The following UGGT2 variants were observed in gnomAD, a reference collection of about 807,000 sequenced individuals.
UGGT2 encodes UDP-glucose:glycoprotein glucosyltransferase 2.
Under a neutral mutation model 192.1 loss-of-function variants are expected in UGGT2, and 180 were observed. That is an observed-to-expected ratio of 0.94 (90% CI 0.83 to 1.06). The LOEUF is 1.06. Ranked by LOEUF, UGGT2 falls within the 50% of genes least tolerant of loss-of-function variation. The pLI, the probability that UGGT2 is intolerant of heterozygous loss-of-function variation, is 0.00. For missense variants in UGGT2, 1,849 were observed against 1,795.7 expected (o/e 1.03, Z -0.54); for synonymous variants, 580 against 591.0 (o/e 0.98, Z 0.27).
chr13:96,012,866 C>T (rs2052207585), intron 5 of UGGT2, among the ~76,000 whole-genome samples: 1 of 151,886 alleles, frequency 6.6e-6, no homozygotes, highest in East Asian at 1.9e-4. Context: ...ATAGCAACGG[C>T]AGGCTAGAGG....
Position 95,887,925 on chromosome 13 carries a change from C to G in UGGT2, c.3005G>C (p.Cys1002Ser). ...INMKIKLFMN[C>S]RGRLSEAPLE... ...AGGGGCTTCTGAAAGCCTGCCCCTA[C>G]AGTTCATGAACAACTTTATCTTCAT... is the stretch of plus-strand genomic sequence containing the variant. Residue 1002 changes from cysteine (C) to serine (S), a missense_variant, in exon 26 of 39, where the codon TGT becomes TCT. By Grantham distance (112) the Cys-to-Ser change is moderately radical. Coordinates refer to ENST00000376747, the MANE Select transcript of UGGT2 (RefSeq NM_020121.4). The G allele has an allele frequency of 1.2e-6, 2 of 1,604,480 alleles. No homozygotes were observed. Among genetic ancestry groups the G allele is most frequent in the Non-Finnish European group, 8.5e-7 (1 of 1,174,960 alleles).
chr13:95,869,542 C>T (rs1212516166), intron 29 of UGGT2, among the ~76,000 whole-genome samples: 1 of 152,146 alleles, frequency 6.6e-6, no homozygotes, highest in African/African-American at 2.4e-5. Flanking sequence ...CATCCTCAGG[C>T]ACTGTTTTAA....
chr13:95,941,164 G>A (rs2049667210), intron 15 of UGGT2, among the ~76,000 whole-genome samples: 1 of 152,134 alleles, frequency 6.6e-6, no homozygotes, highest in Admixed American at 6.5e-5. Context: ...AAACTTATAA[G>A]CAGAAGGAAC....
At chr13:95,933,877 G>C (rs1485683253) in intron 17 of UGGT2, among the ~76,000 whole-genome samples, 2 of 151,966 alleles carry the variant, frequency 1.3e-5, no homozygotes, top group African/African-American at 2.4e-5. Flanking sequence ...GTAGAGATGG[G>C]GTTTCACTGT....
chr13:95,877,588 C>G, intron 28 of UGGT2, 110 bp downstream of exon 28: 1 of 1,300,918 alleles, frequency 7.7e-7, no homozygotes, highest in Non-Finnish European at 1.0e-6. Flanking sequence ...ATTTTGTTTT[C>G]TGCAAACTGT....
intron 30 of UGGT2, among the ~76,000 whole-genome samples, chr13:95,865,225 A>G (rs1379345850): frequency 2.6e-5 from 4 of 152,132 alleles, no homozygotes. Flanking sequence ...ATTCCTCTTA[A>G]TAGGCTATTG....
At chr13:95,889,323 C>T (rs1239838706) in intron 25 of UGGT2, among the ~76,000 whole-genome samples, 1 of 152,130 alleles carries the variant, frequency 6.6e-6, no homozygotes, top group Admixed American at 6.6e-5. Flanking sequence ...GTTTGTCCTA[C>T]TCGTTTCATA....
chr13:95,852,772 T>C (rs546546112), intron 36 of UGGT2, among the ~76,000 whole-genome samples: 26 of 152,256 alleles, frequency 1.7e-4, no homozygotes, highest in Admixed American at 1.6e-3. Context: ...ATTAGGAAAA[T>C]AGTGCTTGTG....
At chr13:95,924,187 G>C (rs1196409602) in intron 20 of UGGT2, among the ~76,000 whole-genome samples, 1 of 151,906 alleles carries the variant, frequency 6.6e-6, no homozygotes, top group African/African-American at 2.4e-5. Context: ...ATCCTATAAG[G>C]AATAAACAAT....
chr13:95,902,006 C>T (rs551610542), intron 21 of UGGT2, among the ~76,000 whole-genome samples: 1 of 152,268 alleles, frequency 6.6e-6, no homozygotes, highest in South Asian at 2.1e-4. Context: ...CCATGTTTAG[C>T]TCCCTTGAAT....
At chr13:96,007,654 A>C (rs183007452) in intron 5 of UGGT2, among the ~76,000 whole-genome samples, 1 of 152,316 alleles carries the variant, frequency 6.6e-6, no homozygotes, top group Non-Finnish European at 1.5e-5. Flanking sequence ...ATATACACAA[A>C]TAGCAAACAA....
At chr13:96,023,470 T>C (rs560599726) in intron 3 of UGGT2, among the ~76,000 whole-genome samples, 159 bp downstream of exon 3, 1 of 152,254 alleles carries the variant, frequency 6.6e-6, no homozygotes, top group East Asian at 1.9e-4. Context: ...TCAATTACAT[T>C]ATAATAAATG....
intron 36 of UGGT2, among the ~76,000 whole-genome samples, chr13:95,846,364 A>G (rs1182663517): frequency 6.8e-6 from 1 of 147,020 alleles, no homozygotes; most frequent in Non-Finnish European, 1.5e-5. Context: ...CAGTGAGCCA[A>G]GATGGCGGCA....
At chr13:95,927,969 C>G (rs1440247519) in intron 17 of UGGT2, among the ~76,000 whole-genome samples, 2 of 152,142 alleles carry the variant, frequency 1.3e-5, no homozygotes, top group Admixed American at 6.5e-5. Flanking sequence ...TTTCAGAGAG[C>G]ACGGGGTTGG....
intron 38 of UGGT2, among the ~76,000 whole-genome samples, chr13:95,826,882 C>T (rs1405934295): frequency 6.6e-6 from 1 of 151,388 alleles, no homozygotes; most frequent in African/African-American, 2.4e-5. Flanking sequence ...CAAGAATACA[C>T]AGAAAAACAA....
At chr13:95,830,381 T>C (rs565154539) in intron 38 of UGGT2, among the ~76,000 whole-genome samples, 1 of 152,262 alleles carries the variant, frequency 6.6e-6, no homozygotes, top group East Asian at 1.9e-4. Flanking sequence ...AATCTACCCA[T>C]CTGACAAAGG....
intron 27 of UGGT2, among the ~76,000 whole-genome samples, chr13:95,883,924 T>C (rs1466989136): frequency 2.0e-5 from 3 of 152,066 alleles, no homozygotes; most frequent in Non-Finnish European, 4.4e-5. Context: ...GGAAGAGAAG[T>C]CTGACTACTC....
intron 5 of UGGT2, among the ~76,000 whole-genome samples, chr13:96,007,486 C>T (rs1331790792): frequency 6.6e-6 from 1 of 152,002 alleles, no homozygotes; most frequent in Non-Finnish European, 1.5e-5. Flanking sequence ...AAAGGACATC[C>T]AAATTGGAAA....
In UGGT2 at chr13:95,949,413, C is replaced by A; in HGVS notation, c.1377G>T (p.Trp459Cys). 1 of 1,577,736 alleles carries A rather than the reference C, an allele frequency of 6.3e-7. No homozygotes were observed. The highest frequency in any genetic ancestry group is 8.6e-7 in the Non-Finnish European group (1 of 1,159,820). ...DLENDDLYIT[W>C]PTSCQKLLKP... ...TCAGAAGTTTCTGGCAACTTGTAGG[C>A]CATGTAATATACAAATCATCATTTT... The change falls in exon 13 of 39, where the codon TGG (tryptophan) becomes TGT (cysteine). Residue 459 changes from tryptophan to cysteine, a missense_variant. Trp to Cys is a radical substitution (Grantham distance 215). Transcript: ENST00000376747.
Sources: allele counts gnomAD v4.1 joint callset (sites outside exome capture counted in the v4.1 genomes callset), GRCh38; gene constraint gnomAD v4.1.1; transcripts MANE v1.5; gene names NCBI Gene and HGNC (gene_info 2026-07-23, HGNC 2026-07-21).